MMP16: variants seen among roughly 807,000 people sequenced by gnomAD.
MMP16 encodes the protein matrix metallopeptidase 16.
Under a neutral mutation model 67.8 loss-of-function variants are expected in MMP16, and 12 were observed. The ratio of observed to expected loss-of-function variants is 0.18; its 90% CI spans 0.11 to 0.29. The LOEUF (loss-of-function observed/expected upper bound fraction) is 0.29, where lower values mean the gene tolerates loss of function less well. Ranked by LOEUF, MMP16 falls within the 10% of genes least tolerant of loss-of-function variation. The probability of loss-of-function intolerance (pLI) is 1.00; values close to 1 mark genes in which losing one functional copy is unlikely to be tolerated. For missense variants in MMP16, 475 were observed against 765.7 expected, an observed-to-expected ratio of 0.62 and a Z score of 4.48; for synonymous variants, 249 against 255.9, an observed-to-expected ratio of 0.97 and a Z score of 0.26.
chr8:88,132,539 T>C (rs1808049556), intron 4 of MMP16, among the ~76,000 whole-genome samples: 1 of 151,892 alleles, frequency 6.6e-6, no homozygotes, highest in African/African-American at 2.4e-5. Flanking sequence ...TGCTATCTGT[T>C]GGACAGAGAT....
At chr8:88,146,754 G>C (rs1229088277) in intron 4 of MMP16, among the ~76,000 whole-genome samples, 1 of 151,274 alleles carries the variant, frequency 6.6e-6, no homozygotes, top group African/African-American at 2.4e-5. Context: ...TAACGTACAG[G>C]GGCAAGGCTT....
At chr8:88,288,320 A>G (rs1351195178) in intron 1 of MMP16, among the ~76,000 whole-genome samples, 6 of 152,212 alleles carry the variant, frequency 3.9e-5, no homozygotes. Context: ...GCAGCAATTA[A>G]CATAAACATT....
chr8:88,270,124 A>G (rs1291555574), intron 1 of MMP16, among the ~76,000 whole-genome samples: 3 of 152,184 alleles, frequency 2.0e-5, no homozygotes, highest in Non-Finnish European at 4.4e-5. Flanking sequence ...AACAGTTATC[A>G]TATTTCCAGA....
At chr8:88,086,907 C>A (rs767966347) in intron 6 of MMP16, among the ~76,000 whole-genome samples, 2 of 151,788 alleles carry the variant, frequency 1.3e-5, no homozygotes, top group Non-Finnish European at 2.9e-5. Flanking sequence ...AGACTGTACC[C>A]CTTAACCCTG....
chr8:88,314,615 G>C (rs1484049206), intron 1 of MMP16, among the ~76,000 whole-genome samples: 1 of 152,146 alleles, frequency 6.6e-6, no homozygotes, highest in Non-Finnish European at 1.5e-5. Flanking sequence ...ACTGAGGCAA[G>C]ACACTTCTGA....
chr8:88,090,631 A>G (rs905097673), intron 6 of MMP16, among the ~76,000 whole-genome samples: 4 of 150,668 alleles, frequency 2.7e-5, no homozygotes, highest in African/African-American at 9.8e-5. Flanking sequence ...CAATTCTTTG[A>G]CAATTTTTAA....
chr8:88,042,353 T>A (rs141904430), intron 9 of MMP16, among the ~76,000 whole-genome samples: 110 of 152,282 alleles, frequency 7.2e-4, no homozygotes, highest in African/African-American at 2.6e-3. Flanking sequence ...GTAATTTGCA[T>A]GAGAAATCAT....
intron 1 of MMP16, among the ~76,000 whole-genome samples, chr8:88,259,865 G>A (rs1810360126): frequency 6.6e-6 from 1 of 152,210 alleles, no homozygotes; most frequent in Admixed American, 6.5e-5. Context: ...AGAATGGAAA[G>A]AATCTGACTT....
rs1409841429 is a variant in MMP16 at position 88,036,877 on chromosome 8, G to C, written c.*4584C>G. 1 of 151,486 alleles carries C rather than the reference G, an allele frequency of 6.6e-6. No individual in the cohort carries two copies. The highest frequency in any genetic ancestry group is 1.5e-5 in the Non-Finnish European group (1 of 67,712). The allele number at this position is 151,486 out of a possible 1,614,324, so 9.4% of individuals were successfully genotyped here. ...AGACCTTACCACCATCCAGAAGATT[G>C]TTTCAGTATATACTACAATCTCACA... On this transcript the variant is annotated 3_prime_UTR_variant, in exon 10 of 10. Transcript: ENST00000286614.
At chr8:88,287,999 A>C (rs1810860921) in intron 1 of MMP16, among the ~76,000 whole-genome samples, 2 of 152,238 alleles carry the variant, frequency 1.3e-5, no homozygotes, top group Non-Finnish European at 1.5e-5. Context: ...AAAGATACTC[A>C]TATATTTCAA....
At position 88,035,531 on chromosome 8, in the gene MMP16, A is replaced by T. The variant is rs1808043292; in HGVS notation, c.*5930T>A. 1 of 152,042 alleles carries T rather than the reference A, an allele frequency of 6.6e-6. No homozygotes were observed. The highest frequency in any genetic ancestry group is 6.6e-5 in the Admixed American group (1 of 15,228). 9.4% of individuals were successfully genotyped at this position (152,042 alleles called of 1,614,324 possible). A position where few individuals can be genotyped will look rare whatever the true frequency, so the allele number is the denominator to read the frequency against. On this transcript the variant is annotated 3_prime_UTR_variant, in exon 10 of 10. Transcript: ENST00000286614. The surrounding 1 kb of genome is among the most constrained non-coding windows in gnomAD (Gnocchi z 4.7). ...TTATACTTACTCTGCACTGACCATG[A>T]GTTCTGGTTTATGCCCTTATTTGCC...
rs574082303 is a variant in MMP16, at chr8:88,038,225, T to C, written c.*3236A>G. On this transcript the variant is annotated 3_prime_UTR_variant, in exon 10 of 10. Transcript: ENST00000286614. The surrounding 1 kb of genome is among the most constrained non-coding windows in gnomAD (Gnocchi z 4.1). Reference sequence around the variant, plus strand: ...GTTTGTGATTACATTGTCCTTATTGTCTTCTTATCTCTTGTAATAGTACAG... The same window carrying C: ...GTTTGTGATTACATTGTCCTTATTGCCTTCTTATCTCTTGTAATAGTACAG... 3.3e-5 allele frequency: 5 copies of C among 152,046 alleles called. No individual in the cohort carries two copies. Among genetic ancestry groups the C allele is most frequent in the African/African-American group, 1.2e-4 (5 of 41,444 alleles). The allele number at this position is 152,046 out of a possible 1,614,324, so 9.4% of individuals were successfully genotyped here.
Position 88,327,255 on chromosome 8 carries a change from T to A in MMP16, c.-49A>T, listed in dbSNP as rs1811555612. 1 of 1,609,268 alleles carries A rather than the reference T, an allele frequency of 6.2e-7. No individual in the cohort carries two copies. Among genetic ancestry groups the A allele is most frequent in the South Asian group, 1.1e-5 (1 of 90,940 alleles). ...GACGAGCTCCCCTTCGTTTTCTCCC[T>A]CTCTCCCTCTCCCTCCCTCCCTCGT... is the stretch of plus-strand genomic sequence containing the variant. On this transcript the variant is annotated 5_prime_UTR_variant, in exon 1 of 10. Coordinates refer to ENST00000286614, the MANE Select transcript of MMP16 (RefSeq NM_005941.5).
chr8:88,072,255 G>A (rs2118272991), intron 7 of MMP16, among the ~76,000 whole-genome samples: 1 of 152,122 alleles, frequency 6.6e-6, no homozygotes, highest in South Asian at 2.1e-4. Flanking sequence ...GAGGGTGGTG[G>A]AGGGGGTCAT....
chr8:88,091,262 T>C (rs1255690757), intron 6 of MMP16, among the ~76,000 whole-genome samples: 4 of 151,840 alleles, frequency 2.6e-5, no homozygotes, highest in Admixed American at 2.0e-4. Flanking sequence ...ATAAGACCAA[T>C]AATACCTATT....
At chr8:88,220,359 C>T (rs928318743) in intron 1 of MMP16, among the ~76,000 whole-genome samples, 10 of 151,964 alleles carry the variant, frequency 6.6e-5, no homozygotes, top group Middle Eastern at 3.4e-3. Flanking sequence ...TTATTTCTTC[C>T]ATTTTTTGTT....
intron 7 of MMP16, among the ~76,000 whole-genome samples, chr8:88,059,771 G>C (rs1448209333): frequency 6.6e-6 from 1 of 151,962 alleles, no homozygotes; most frequent in African/African-American, 2.4e-5. Context: ...GGCTTCATCT[G>C]ATAAGCAGAG....
rs188974525 is a variant in MMP16 at position 88,218,113 on chromosome 8, C to T, written c.133-20807G>A. Among the ~76,000 whole-genome samples the T allele has an allele frequency of 3.3e-5, 5 of 152,078 alleles. 1 individual carries two copies. Among genetic ancestry groups the T allele is most frequent in the African/African-American group, 9.6e-5 (4 of 41,538 alleles). ...TGCTTATTTTCAGTAAGCAAAACAA[C>T]CTCTAAGGAAAAAACTTGGAGAGGG... On this transcript the variant is annotated intron_variant, in intron 1 of 9. Transcript: ENST00000286614.
At chr8:88,256,835 G>T (rs2129938152) in intron 1 of MMP16, among the ~76,000 whole-genome samples, 1 of 152,220 alleles carries the variant, frequency 6.6e-6, no homozygotes, top group African/African-American at 2.4e-5. Flanking sequence ...AGAAGCTTTT[G>T]TGAGGTCATC....
Sources: gnomAD v4.1 joint callset for allele counts (sites outside exome capture counted in the v4.1 genomes callset) on GRCh38, gnomAD v4.1.1 for gene constraint, Gnocchi (gnomAD v3.1) non-coding constraint, MANE v1.5 for transcripts, NCBI Gene and HGNC (gene_info 2026-07-23, HGNC 2026-07-21) for gene names.